The following CFAP53 variants were observed in gnomAD, a reference collection of about 807,000 sequenced individuals.
CFAP53 encodes cilia and flagella associated protein 53, also known as cilia- and flagella-associated protein 53.
CFAP53 carries 62 observed loss-of-function variants against 59.7 expected under a neutral mutation model. The ratio of observed to expected loss-of-function variants is 1.04; its 90% CI spans 0.85 to 1.28. CFAP53 has a LOEUF of 1.28. Ranked by LOEUF, CFAP53 falls within the 50% of genes most tolerant of loss-of-function variation. The pLI is 0.00. For missense variants in CFAP53, 629 were observed against 615.6 expected (o/e 1.02, Z -0.23); for synonymous variants, 218 against 205.7 (o/e 1.06, Z -0.51).
chr18:50,258,166 A>G lies in CFAP53; in HGVS notation c.473+2898T>C, dbSNP rs192791303. On this transcript the variant is annotated intron_variant, in intron 3 of 7. Transcript: ENST00000398545. ...GCCAAAGCTATTCTAAGCAAAAATA[A>G]CAAATCTGGAGGAATCACATTACCT... Among the ~76,000 whole-genome samples, 69 of 152,348 alleles carry G rather than the reference A, an allele frequency of 4.5e-4. 1 individual carries two copies. In the Middle Eastern group the frequency reaches 0.02, roughly 45 times the overall value.
intron 3 of CFAP53, among the ~76,000 whole-genome samples, chr18:50,252,392 C>A (rs561023010): frequency 6.6e-6 from 1 of 152,238 alleles, no homozygotes; most frequent in Admixed American, 6.5e-5. Flanking sequence ...GCGTGAGCCA[C>A]CGTACCCAGC....
intron 3 of CFAP53, among the ~76,000 whole-genome samples, chr18:50,253,914 T>G (rs1403007969): frequency 2.6e-5 from 4 of 152,108 alleles, no homozygotes; most frequent in African/African-American, 9.7e-5. Context: ...AAACAAACCC[T>G]CGAAATGCCT....
At chr18:50,241,448 T>C (rs781734523) in intron 6 of CFAP53, among the ~76,000 whole-genome samples, 1 of 152,180 alleles carries the variant, frequency 6.6e-6, no homozygotes, top group Non-Finnish European at 1.5e-5. Context: ...AGATTTCTCA[T>C]GATCAAGAGC....
chr18:50,233,585 C>T (rs1363858212), intron 7 of CFAP53, among the ~76,000 whole-genome samples: 1 of 152,214 alleles, frequency 6.6e-6, no homozygotes, highest in African/African-American at 2.4e-5. Flanking sequence ...ATATTCTTTA[C>T]AGCCCTTCTT....
chr18:50,239,700 T>C (rs2033670176), intron 6 of CFAP53, among the ~76,000 whole-genome samples: 1 of 152,178 alleles, frequency 6.6e-6, no homozygotes, highest in Non-Finnish European at 1.5e-5. Flanking sequence ...ATCTTATAAT[T>C]GACAAAAAAT....
intron 5 of CFAP53, among the ~76,000 whole-genome samples, chr18:50,249,019 G>A (rs1423664100): frequency 6.7e-6 from 1 of 150,026 alleles, no homozygotes. Context: ...CCTGGCCAAC[G>A]TGGCGAAACG....
Position 50,251,559 on chromosome 18 carries a change from C to T in CFAP53, c.699G>A (p.Gly233=), listed in dbSNP as rs1240720284. 1.9e-6 allele frequency: 3 copies of T among 1,614,190 alleles called. No homozygotes were observed. The highest frequency in any genetic ancestry group is 2.5e-6 in the Non-Finnish European group (3 of 1,180,034). The part of the protein sequence containing the change: ...QKELMENTRL[G]LNAQITSIKA... ...TGATGCTGGTGATCTGGGCATTCAG[C>T]CCCAGGCGTGTGTTCTCCATCAGCT... The change falls in exon 4 of 8, where the codon GGG becomes GGA. Residue 233 remains glycine (G), a synonymous_variant. Coordinates refer to ENST00000398545, the MANE Select transcript of CFAP53 (RefSeq NM_145020.5).
chr18:50,228,549 G>C (rs1028367971), intron 7 of CFAP53, among the ~76,000 whole-genome samples: 6 of 151,534 alleles, frequency 4.0e-5, no homozygotes, highest in African/African-American at 1.2e-4. Context: ...CCAGCACTTG[G>C]GAGGCTGAGG....
chr18:50,264,755 T>C (rs1265285151), intron 1 of CFAP53, among the ~76,000 whole-genome samples: 2 of 152,242 alleles, frequency 1.3e-5, no homozygotes, highest in Admixed American at 6.5e-5. Flanking sequence ...GCTTCTCTGG[T>C]TTAGTGTTTT....
intron 5 of CFAP53, among the ~76,000 whole-genome samples, chr18:50,246,903 C>T (rs551943221): frequency 6.6e-6 from 1 of 152,140 alleles, no homozygotes; most frequent in Admixed American, 6.5e-5. Context: ...AAAAAATTAG[C>T]CAGGCGTGGT....
rs1181864354 is a variant in CFAP53 at position 50,250,880 on chromosome 18, G to A, written c.874C>T (p.Leu292=). 1.2e-6 allele frequency: 2 copies of A among 1,614,098 alleles called. No homozygotes were observed. The highest frequency in any genetic ancestry group is 2.2e-5 in the South Asian group (2 of 91,076). ...TGAATATGTTCTATCCTCTCTTGTA[G>A]GGCTTTTTGCAAAATGGTCCTAGTT... ...QETRTILQKA[L]QERIEHIQQE... Residue 292 remains leucine, a synonymous_variant, in exon 5 of 8, where the codon CTA becomes TTA. Transcript: ENST00000398545.
chr18:50,245,953 C>T (rs1341911881), intron 5 of CFAP53, among the ~76,000 whole-genome samples: 7 of 152,122 alleles, frequency 4.6e-5, no homozygotes, highest in East Asian at 3.9e-4. Context: ...TGCAATGACA[C>T]GATCTCAGCT....
At chr18:50,238,773 CA>C in intron 6 of CFAP53, 68 bp from the exon 7 acceptor site, 8 of 1,121,598 alleles carry the variant, frequency 7.1e-6, no homozygotes, top group Non-Finnish European at 1.1e-5. Flanking sequence ...TCTTTCTGGG[CA>C]CCAGAGTCAT....
At chr18:50,240,581 T>C (rs1380168229) in intron 6 of CFAP53, among the ~76,000 whole-genome samples, 1 of 152,204 alleles carries the variant, frequency 6.6e-6, no homozygotes, top group East Asian at 1.9e-4. Flanking sequence ...GAGCACCCTT[T>C]CTGCAGGAAG....
chr18:50,227,561 G>A lies in CFAP53; in HGVS notation c.1365C>T (p.Ile455=), dbSNP rs772482574. The change falls in exon 8 of 8, where the codon ATC becomes ATT. Residue 455 remains isoleucine, a synonymous_variant. Transcript: ENST00000398545. ...CTTCTTGGGACTGCTGCTGGTAGGCGATTTGCATCTGAAGTTGCTTCCTGT... is the reference window on the plus strand; with the variant it reads ...CTTCTTGGGACTGCTGCTGGTAGGCAATTTGCATCTGAAGTTGCTTCCTGT... ...QEYRKQLQMQ[I]AYQQQSQEAE... 17 of 1,614,062 alleles carry A rather than the reference G, an allele frequency of 1.1e-5. No homozygotes were observed. In the Middle Eastern group the frequency reaches 4.9e-4, roughly 47 times the overall value.
At chr18:50,262,325 T>TA (rs1308988064) in intron 1 of CFAP53, 106 bp from the exon 2 acceptor site, 1 of 867,630 alleles carries the variant, frequency 1.2e-6, no homozygotes, top group Non-Finnish European at 1.8e-6. Context: ...AAATTGGGTA[T>TA]AAAAAACTAA....
intron 6 of CFAP53, among the ~76,000 whole-genome samples, chr18:50,240,232 G>GCCCCACCCTGACTCATTCTGATCACCTA (rs1235719935): frequency 2.0e-5 from 3 of 149,646 alleles, no homozygotes; most frequent in African/African-American, 5.0e-5. Flanking sequence ...CTGATCACCT[G>GCCCCACCCTGACTCATTCTGATCACCTA]CCCCACCCTG....
chr18:50,233,766 C>A (rs992583987), intron 7 of CFAP53, among the ~76,000 whole-genome samples: 5 of 152,198 alleles, frequency 3.3e-5, no homozygotes, highest in Non-Finnish European at 4.4e-5. Flanking sequence ...TATGCCCATG[C>A]GGACAGGCAC....
intron 2 of CFAP53, among the ~76,000 whole-genome samples, chr18:50,261,595 T>C (rs1309110928): frequency 6.6e-6 from 1 of 152,096 alleles, no homozygotes; most frequent in Admixed American, 6.5e-5. Flanking sequence ...TCTCACTGTG[T>C]TGCCCAGGCT....
Sources: allele counts gnomAD v4.1 joint callset (sites outside exome capture counted in the v4.1 genomes callset), GRCh38; gene constraint gnomAD v4.1.1; transcripts MANE v1.5; gene names NCBI Gene and HGNC (gene_info 2026-07-23, HGNC 2026-07-21).